Variants in TNPO1 observed in about 807,000 individuals in gnomAD.
TNPO1 encodes the protein transportin 1, also known as transportin-1.
Under a neutral mutation model 119.5 loss-of-function variants are expected in TNPO1, and 8 were observed. The observed-to-expected ratio is 0.07, with a 90% confidence interval of 0.04 to 0.12. TNPO1 has a LOEUF of 0.12. Ranked by LOEUF, TNPO1 falls within the 10% of genes least tolerant of loss-of-function variation. The pLI, the probability that TNPO1 is intolerant of heterozygous loss-of-function variation, is 1.00. For synonymous variants in TNPO1, 362 were observed against 363.0 expected (o/e 1.00, Z 0.03); for missense variants, 576 against 1,089.8 (o/e 0.53, Z 6.64).
intron 5 of TNPO1, among the ~76,000 whole-genome samples, chr5:72,862,990 TTTTG>T (rs1241954074): frequency 1.3e-4 from 13 of 97,626 alleles, no homozygotes; most frequent in East Asian, 6.1e-4. Flanking sequence ...ACCTGTGGGT[TTTTG>T]TGTGTGTGTG....
chr5:72,831,868 G>A (rs562714560), intron 1 of TNPO1, among the ~76,000 whole-genome samples: 32 of 152,108 alleles, frequency 2.1e-4, no homozygotes, highest in South Asian at 6.2e-4. Flanking sequence ...AAACGTAACC[G>A]TTCAAGTACC....
Position 72,865,576 on chromosome 5 carries a change from TTTAAA to T in TNPO1, c.463-18_463-14del. ...CTTCATTTTTAACAAATTCTGATAA[TTTAAA>T]TGTGTCTCTTACAGGGAGCATTTGG... On this transcript the variant is annotated splice_polypyrimidine_tract_variant and intron_variant, in intron 5 of 24. Transcript: ENST00000337273. 1 of 1,606,870 alleles carries T rather than the reference TTTAAA, an allele frequency of 6.2e-7. No individual in the cohort carries two copies. Among genetic ancestry groups the T allele is most frequent in the Non-Finnish European group, 8.5e-7 (1 of 1,178,646 alleles).
intron 7 of TNPO1, among the ~76,000 whole-genome samples, chr5:72,873,743 TA>T (rs1747571514): frequency 6.6e-6 from 1 of 152,098 alleles, no homozygotes; most frequent in Admixed American, 6.6e-5. Flanking sequence ...TAGTAGCTTT[TA>T]ACCTTAGATG....
chr5:72,843,420 C>A (rs1303267265), intron 1 of TNPO1, among the ~76,000 whole-genome samples: 1 of 151,880 alleles, frequency 6.6e-6, no homozygotes, highest in Admixed American at 6.6e-5. Context: ...ATGGTGAAAC[C>A]CTGTCTCTGC....
Position 72,883,247 on chromosome 5 carries a change from G to GA in TNPO1, c.1150+19dup, listed in dbSNP as rs1195846804. On this transcript the variant is annotated intron_variant, in intron 11 of 24. Coordinates refer to ENST00000337273, the MANE Select transcript of TNPO1 (RefSeq NM_002270.4). ...CTGGAATCTAAGTAAGTCAGAAAGGGAAAAGCACAGTTGCCTACTTTGATG... is the reference window on the plus strand; with the variant it reads ...CTGGAATCTAAGTAAGTCAGAAAGGGAAAAAGCACAGTTGCCTACTTTGATG... The GA allele has an allele frequency of 2.4e-6, 3 of 1,226,214 alleles. No individual in the cohort carries two copies. The highest frequency in any genetic ancestry group is 3.6e-6 in the Non-Finnish European group (3 of 830,700). The allele number at this position is 1,226,214 out of a possible 1,614,324, so 76.0% of individuals were successfully genotyped here. A position where few individuals can be genotyped will look rare whatever the true frequency, so the allele number is the denominator to read the frequency against.
At position 72,855,887 on chromosome 5, in the gene TNPO1, A is replaced by G. The variant is rs1745960127; in HGVS notation, c.319A>G (p.Ile107Val). Reference protein sequence around the residue: ...DFIKSECLNNIGDSSPLIRAT... With the variant: ...DFIKSECLNNVGDSSPLIRAT... Reference sequence around the variant, plus strand: ...TATTAAAAGTGAATGTTTAAATAATATTGGTGACTCCTCTCCTCTGATTAG... The same window carrying G: ...TATTAAAAGTGAATGTTTAAATAATGTTGGTGACTCCTCTCCTCTGATTAG... Residue 107 changes from isoleucine to valine, a missense_variant, in exon 4 of 25, where the codon ATT (isoleucine) becomes GTT (valine). Coordinates refer to ENST00000337273, the MANE Select transcript of TNPO1 (RefSeq NM_002270.4). The G allele has an allele frequency of 1.2e-6, 2 of 1,613,642 alleles. No homozygotes were observed. Among genetic ancestry groups the G allele is most frequent in the East Asian group, 2.2e-5 (1 of 44,800 alleles).
At position 72,857,081 on chromosome 5, in the gene TNPO1, AG is replaced by A. The variant is rs571690212; in HGVS notation, c.355+1160del. 3.5e-3 allele frequency among the ~76,000 whole-genome samples: 527 copies of A among 152,250 alleles called. 3 individuals carry two copies. Among genetic ancestry groups the A allele is most frequent in the African/African-American group, 0.012 (509 of 41,538 alleles). ...CACGCTGTAATCCCAGCACTTTGGG[AG>A]GCTGAGGCGGATGGATCACCTGAGG... On this transcript the variant is annotated intron_variant, in intron 4 of 24. Coordinates refer to ENST00000337273, the MANE Select transcript of TNPO1 (RefSeq NM_002270.4).
chr5:72,826,583 G>A (rs975007532), intron 1 of TNPO1, among the ~76,000 whole-genome samples: 8 of 150,568 alleles, frequency 5.3e-5, no homozygotes, highest in African/African-American at 2.0e-4. Context: ...TAGACACTTA[G>A]TAAGTATTTG....
At chr5:72,855,744 A>G (rs775987660) in intron 3 of TNPO1, 30 bp from the exon 4 acceptor site, 1 of 1,554,694 alleles carries the variant, frequency 6.4e-7, no homozygotes, top group East Asian at 2.3e-5. Context: ...GACTACTTCA[A>G]AACTCATTAC....
intron 8 of TNPO1, among the ~76,000 whole-genome samples, chr5:72,876,029 A>C (rs953507081): frequency 2.6e-5 from 4 of 152,172 alleles, no homozygotes; most frequent in African/African-American, 9.7e-5. Flanking sequence ...AGATCTGTTA[A>C]AAGGCTAGCA....
intron 3 of TNPO1, among the ~76,000 whole-genome samples, chr5:72,854,862 C>T (rs980530939): frequency 6.6e-6 from 1 of 151,872 alleles, no homozygotes; most frequent in African/African-American, 2.4e-5. Context: ...CTTTTAAGTT[C>T]AGAGGCAAAT....
Position 72,855,896 on chromosome 5 carries a change from T to G in TNPO1, c.328T>G (p.Ser110Ala), listed in dbSNP as rs112893057. Residue 110 changes from serine (S) to alanine (A), a missense_variant, in exon 4 of 25, where the codon TCC (serine) becomes GCC (alanine). Around this residue, in one of 6 missense-constraint regions of TNPO1, gnomAD observed 310 missense variants for 583.0 expected, o/e 0.53. Coordinates refer to ENST00000337273, the MANE Select transcript of TNPO1 (RefSeq NM_002270.4). ...KSECLNNIGD[S>A]SPLIRATVGI... ...TGAATGTTTAAATAATATTGGTGAC[T>G]CCTCTCCTCTGATTAGAGCCACTGT... is the stretch of plus-strand genomic sequence containing the variant. 1 of 1,613,590 alleles carries G rather than the reference T, an allele frequency of 6.2e-7. No homozygotes were observed. Among genetic ancestry groups the G allele is most frequent in the African/African-American group, 1.3e-5 (1 of 74,932 alleles).
chr5:72,882,136 T>C (rs1432144581), intron 9 of TNPO1, among the ~76,000 whole-genome samples: 1 of 152,220 alleles, frequency 6.6e-6, no homozygotes, highest in East Asian at 1.9e-4. Context: ...TAGCTCTATG[T>C]ATTGTAAGTC....
intron 3 of TNPO1, among the ~76,000 whole-genome samples, chr5:72,853,326 C>G (rs147922143): frequency 1.3e-5 from 2 of 152,132 alleles, no homozygotes; most frequent in African/African-American, 4.8e-5. Flanking sequence ...CCTGTGGTCC[C>G]GCTACTCAGG....
chr5:72,842,064 C>T (rs960192698), intron 1 of TNPO1, among the ~76,000 whole-genome samples: 39 of 152,288 alleles, frequency 2.6e-4, no homozygotes, highest in African/African-American at 8.9e-4. Flanking sequence ...ATGTTTTTAA[C>T]TCATTTACTC....
chr5:72,859,571 T>C (rs1343896752), intron 4 of TNPO1, among the ~76,000 whole-genome samples: 2 of 152,230 alleles, frequency 1.3e-5, no homozygotes, highest in African/African-American at 4.8e-5. Context: ...GTTGGGAATC[T>C]TATCAAGGAA....
chr5:72,817,454 A>G (rs1045554208), intron 1 of TNPO1, among the ~76,000 whole-genome samples: 1 of 152,192 alleles, frequency 6.6e-6, no homozygotes. Flanking sequence ...CTATTTTCGG[A>G]ATGACTTTCT....
chr5:72,900,818 GA>G (rs1749750595), intron 21 of TNPO1, 155 bp from the exon 22 acceptor site: 1 of 435,016 alleles, frequency 2.3e-6, no homozygotes, highest in Admixed American at 4.3e-5. Context: ...CAACAAACAG[GA>G]AGTATGAGTA....
chr5:72,873,506 G>C (rs1305504480), intron 7 of TNPO1, among the ~76,000 whole-genome samples: 1 of 152,016 alleles, frequency 6.6e-6, no homozygotes, highest in Non-Finnish European at 1.5e-5. Context: ...AAGAGTAGTA[G>C]CCATAAAGAT....
Sources: allele counts gnomAD v4.1 joint callset (sites outside exome capture counted in the v4.1 genomes callset), GRCh38; gene constraint gnomAD v4.1.1; regional missense constraint gnomAD v4.1.1; transcripts MANE v1.5; gene names NCBI Gene and HGNC (gene_info 2026-07-23, HGNC 2026-07-21).